The following PIGU variants were observed in gnomAD, a reference collection of about 807,000 sequenced individuals.
PIGU encodes phosphatidylinositol glycan anchor biosynthesis class U, also known as GPI-anchor transamidase component PIGU.
PIGU carries 24 observed loss-of-function variants against 49.9 expected under a neutral mutation model. The ratio of observed to expected loss-of-function variants is 0.48; its 90% CI spans 0.35 to 0.68. The LOEUF (loss-of-function observed/expected upper bound fraction) is 0.68, where lower values mean the gene tolerates loss of function less well. Ranked by LOEUF, PIGU falls within the 30% of genes least tolerant of loss-of-function variation. The pLI, the probability that PIGU is intolerant of heterozygous loss-of-function variation, is 0.01. For synonymous variants in PIGU, 220 were observed against 205.7 expected (o/e 1.07, Z -0.59); for missense variants, 490 against 532.6 (o/e 0.92, Z 0.79).
chr20:34,566,095 C>T (rs1254162528), intron 11 of PIGU, among the ~76,000 whole-genome samples: 3 of 152,188 alleles, frequency 2.0e-5, no homozygotes, highest in African/African-American at 7.2e-5. Flanking sequence ...CACACAGATA[C>T]ACACACATAC....
chr20:34,574,265 T>C (rs995239643), intron 11 of PIGU, among the ~76,000 whole-genome samples: 1 of 152,198 alleles, frequency 6.6e-6, no homozygotes, highest in Admixed American at 6.5e-5. Flanking sequence ...AAGAGCTTAT[T>C]AAAAATATAA....
At chr20:34,570,278 C>T (rs1982948996) in intron 11 of PIGU, among the ~76,000 whole-genome samples, 2 of 152,214 alleles carry the variant, frequency 1.3e-5, no homozygotes, top group African/African-American at 4.8e-5. Context: ...ATAAGCCTCT[C>T]TCTCCATGAG....
chr20:34,584,441 G>T (rs1983610864), intron 9 of PIGU, among the ~76,000 whole-genome samples: 1 of 150,036 alleles, frequency 6.7e-6, no homozygotes, highest in Non-Finnish European at 1.5e-5. Flanking sequence ...TCACTGGGCT[G>T]TTGATGGAGA....
chr20:34,578,804 C>T (rs1983340420), intron 10 of PIGU, among the ~76,000 whole-genome samples: 4 of 152,164 alleles, frequency 2.6e-5, no homozygotes, highest in Admixed American at 2.6e-4. Context: ...GGGTACGGGA[C>T]AGCTTGTTCC....
intron 7 of PIGU, among the ~76,000 whole-genome samples, chr20:34,595,095 CA>C (rs71194627): frequency 0.3 from 21,280 of 71,276 alleles, 614 homozygotes; most frequent in Admixed American, 0.35. Flanking sequence ...GACTCCGTCT[CA>C]AAAAAAAAAA....
chr20:34,595,971 G>A (rs974552201), intron 7 of PIGU, among the ~76,000 whole-genome samples: 1 of 152,158 alleles, frequency 6.6e-6, no homozygotes. Context: ...CAAGCTACTT[G>A]GCAGGCTGAG....
chr20:34,642,250 C>T (rs1003607453), intron 4 of PIGU, among the ~76,000 whole-genome samples: 9 of 152,114 alleles, frequency 5.9e-5, no homozygotes, highest in African/African-American at 2.2e-4. Context: ...CACTCTGTCA[C>T]TCAGGCGGGA....
At chr20:34,562,831 G>A (rs1194868040) in intron 11 of PIGU, among the ~76,000 whole-genome samples, 1 of 152,214 alleles carries the variant, frequency 6.6e-6, no homozygotes, top group Non-Finnish European at 1.5e-5. Context: ...AGTGATCACA[G>A]CAAAGGCTGA....
At position 34,637,910 on chromosome 20, in the gene PIGU, C is replaced by T. The variant is rs753285046; in HGVS notation, c.394G>A (p.Glu132Lys). 2 of 1,610,348 alleles carry T rather than the reference C, an allele frequency of 1.2e-6. No homozygotes were observed. The highest frequency in any genetic ancestry group is 2.7e-5 in the African/African-American group (2 of 74,620). Reference sequence around the variant, plus strand: ...ACTTTCAAAGGGATGTAACGCATTTCCATAGGGGTCCGGATGAGTTCGGCC... The same window carrying T: ...ACTTTCAAAGGGATGTAACGCATTTTCATAGGGGTCCGGATGAGTTCGGCC... ...DVAELIRTPM[E>K]MRYIPLKVAL... The change falls in exon 5 of 12, where the codon GAA becomes AAA. Residue 132 changes from glutamate (E) to lysine (K), a missense_variant. Glu to Lys is a moderately conservative substitution (Grantham distance 56). Coordinates refer to ENST00000217446, the MANE Select transcript of PIGU (RefSeq NM_080476.5).
At chr20:34,620,324 C>G (rs1037915200) in intron 6 of PIGU, among the ~76,000 whole-genome samples, 1 of 152,200 alleles carries the variant, frequency 6.6e-6, no homozygotes, top group Non-Finnish European at 1.5e-5. Context: ...TGTGTCTGTT[C>G]TTAGGCTATT....
intron 4 of PIGU, among the ~76,000 whole-genome samples, chr20:34,639,668 T>G (rs147168728): frequency 6.6e-6 from 1 of 152,298 alleles, no homozygotes; most frequent in African/African-American, 2.4e-5. Flanking sequence ...CCAAAAAATA[T>G]TTTTAGAAGA....
At chr20:34,625,560 C>G (rs967897649) in intron 6 of PIGU, among the ~76,000 whole-genome samples, 8 of 151,790 alleles carry the variant, frequency 5.3e-5, no homozygotes, top group Non-Finnish European at 8.8e-5. Context: ...AAGCCCAGCA[C>G]TTTGGAAGGC....
intron 6 of PIGU, among the ~76,000 whole-genome samples, chr20:34,624,501 A>G (rs1248481235): frequency 6.6e-6 from 1 of 152,202 alleles, no homozygotes; most frequent in Non-Finnish European, 1.5e-5. Flanking sequence ...GTCCTGTCAC[A>G]TGGCCTTTTT....
At chr20:34,607,328 C>T (rs557630885) in intron 7 of PIGU, among the ~76,000 whole-genome samples, 2 of 152,254 alleles carry the variant, frequency 1.3e-5, no homozygotes, top group South Asian at 2.1e-4. Flanking sequence ...TGGCCTGCCC[C>T]GCATCCTGTA....
At chr20:34,612,711 C>T (rs1390596062) in intron 7 of PIGU, among the ~76,000 whole-genome samples, 1 of 151,412 alleles carries the variant, frequency 6.6e-6, no homozygotes, top group Non-Finnish European at 1.5e-5. Flanking sequence ...CAACCTCTGC[C>T]TCTCGGGTTC....
chr20:34,672,517 A>G (rs1043126643), intron 1 of PIGU, among the ~76,000 whole-genome samples: 1 of 152,124 alleles, frequency 6.6e-6, no homozygotes, highest in Non-Finnish European at 1.5e-5. Flanking sequence ...GACCCAAATC[A>G]GTTCAATGTG....
intron 2 of PIGU, among the ~76,000 whole-genome samples, chr20:34,653,322 G>A (rs1427367758): frequency 6.6e-6 from 1 of 152,104 alleles, no homozygotes. Flanking sequence ...ATGTCTGCTT[G>A]TTCTACCAAT....
chr20:34,621,991 G>A (rs1454300313), intron 6 of PIGU, among the ~76,000 whole-genome samples: 1 of 152,156 alleles, frequency 6.6e-6, no homozygotes, highest in Non-Finnish European at 1.5e-5. Context: ...TGGAGGGCAA[G>A]AGAGAATGGT....
At chr20:34,619,001 G>A (rs1204652741) in intron 6 of PIGU, among the ~76,000 whole-genome samples, 1 of 152,170 alleles carries the variant, frequency 6.6e-6, no homozygotes, top group Non-Finnish European at 1.5e-5. Flanking sequence ...ATGTGACAAT[G>A]TCACAGACGA....
Sources: allele counts gnomAD v4.1 joint callset (sites outside exome capture counted in the v4.1 genomes callset), GRCh38; gene constraint gnomAD v4.1.1; transcripts MANE v1.5; gene names NCBI Gene and HGNC (gene_info 2026-07-23, HGNC 2026-07-21).